The following ATG10 variants were observed in gnomAD, a reference collection of about 807,000 sequenced individuals.
ATG10 encodes the protein autophagy related 10.
ATG10 carries 30 observed loss-of-function variants against 32.1 expected under a neutral mutation model. The ratio of observed to expected loss-of-function variants is 0.94; its 90% confidence interval spans 0.70 to 1.27. The LOEUF (loss-of-function observed/expected upper bound fraction) is 1.27. ATG10 is among the 50% of genes most tolerant of loss of function. The pLI, the probability that ATG10 is intolerant of heterozygous loss-of-function variation, is 0.00. For missense variants in ATG10, 233 were observed against 262.3 expected (o/e 0.89, Z 0.77); for synonymous variants, 87 against 91.5 (o/e 0.95, Z 0.28).
At chr5:82,219,150 T>C (rs1403269998) in intron 5 of ATG10, among the ~76,000 whole-genome samples, 1 of 152,216 alleles carries the variant, frequency 6.6e-6, no homozygotes, top group African/African-American at 2.4e-5. Flanking sequence ...AAAAAGTATT[T>C]TAAAGTTTTC....
chr5:82,004,895 G>T (rs1352358514), intron 2 of ATG10, among the ~76,000 whole-genome samples: 1 of 152,156 alleles, frequency 6.6e-6, no homozygotes, highest in Admixed American at 6.5e-5. Context: ...TTCTCAAAAT[G>T]GCACCAATTG....
At chr5:82,231,349 A>C (rs1746362494) in intron 5 of ATG10, among the ~76,000 whole-genome samples, 1 of 152,226 alleles carries the variant, frequency 6.6e-6, no homozygotes, top group Admixed American at 6.5e-5. Context: ...AAGTTGCTTA[A>C]AGTTTTAATA....
At chr5:82,032,453 A>G (rs1278791691) in intron 2 of ATG10, among the ~76,000 whole-genome samples, 2 of 152,142 alleles carry the variant, frequency 1.3e-5, no homozygotes, top group Non-Finnish European at 2.9e-5. Flanking sequence ...AAAAATTGCC[A>G]TGAATAGCCA....
intron 5 of ATG10, among the ~76,000 whole-genome samples, chr5:82,249,680 A>G (rs1260803331): frequency 6.6e-6 from 1 of 152,232 alleles, no homozygotes; most frequent in Admixed American, 6.5e-5. Context: ...ACAGCTACCA[A>G]GTGGTAGAGC....
chr5:82,164,281 A>G lies in ATG10; in HGVS notation c.217-118A>G, dbSNP rs144677269. 21 of 1,036,106 alleles carry G rather than the reference A, an allele frequency of 2.0e-5. No homozygotes were observed. In the East Asian group the frequency reaches 5.1e-4, roughly 25 times the overall value. The allele number at this position is 1,036,106 out of a possible 1,614,324, so 64.2% of individuals were successfully genotyped here. ...TGGGAAACTCCCTTTTCCTTGCCTC[A>G]TAGCCTTATATTTATTTAACTGTTA... is the stretch of plus-strand genomic sequence containing the variant. On this transcript the variant is annotated intron_variant, in intron 3 of 7. Transcript: ENST00000282185.
chr5:82,079,062 C>G (rs1764377772), intron 3 of ATG10, among the ~76,000 whole-genome samples: 1 of 152,182 alleles, frequency 6.6e-6, no homozygotes, highest in East Asian at 1.9e-4. Flanking sequence ...TTTGTCTAGT[C>G]TGAGTCTCCA....
chr5:82,138,125 C>T (rs189121078), intron 3 of ATG10, among the ~76,000 whole-genome samples: 12 of 152,294 alleles, frequency 7.9e-5, no homozygotes, highest in Admixed American at 3.9e-4. Context: ...GTGCTGGGAG[C>T]GAGAATTTCA....
chr5:82,077,141 GC>G (rs1764302169), intron 3 of ATG10, among the ~76,000 whole-genome samples: 1 of 152,098 alleles, frequency 6.6e-6, no homozygotes, highest in East Asian at 1.9e-4. Flanking sequence ...GGGCAACATG[GC>G]AAAACCCCAT....
chr5:81,996,689 A>G (rs1170586861), intron 2 of ATG10, among the ~76,000 whole-genome samples: 1 of 152,260 alleles, frequency 6.6e-6, no homozygotes, highest in East Asian at 1.9e-4. Flanking sequence ...TTTGCAACTG[A>G]AAGTAAAATT....
intron 3 of ATG10, among the ~76,000 whole-genome samples, chr5:82,106,666 C>T (rs915552161): frequency 6.6e-6 from 1 of 152,074 alleles, no homozygotes; most frequent in South Asian, 2.1e-4. Flanking sequence ...GTTAATCTTA[C>T]TATGGTATCA....
intron 3 of ATG10, among the ~76,000 whole-genome samples, chr5:82,139,461 C>A (rs1463038441): frequency 7.6e-6 from 1 of 131,174 alleles, no homozygotes; most frequent in African/African-American, 2.9e-5. Flanking sequence ...GGCCGCCCAT[C>A]GTCTGAGATG....
intron 2 of ATG10, among the ~76,000 whole-genome samples, chr5:82,014,716 T>G (rs1404955569): frequency 6.6e-6 from 1 of 152,234 alleles, no homozygotes; most frequent in African/African-American, 2.4e-5. Context: ...TTTGAGCCTA[T>G]GTGTGTCTCT....
intron 5 of ATG10, among the ~76,000 whole-genome samples, chr5:82,187,893 C>T (rs528882654): frequency 7.2e-5 from 11 of 152,250 alleles, no homozygotes; most frequent in South Asian, 4.1e-4. Context: ...TGGCCAATGA[C>T]TTATTTTTCT....
At chr5:82,202,228 C>T (rs1044652693) in intron 5 of ATG10, among the ~76,000 whole-genome samples, 2 of 152,126 alleles carry the variant, frequency 1.3e-5, no homozygotes, top group Non-Finnish European at 2.9e-5. Context: ...GTTGTTCAAA[C>T]ATTATTCTAG....
chr5:82,022,858 C>A (rs2149707804), intron 2 of ATG10, among the ~76,000 whole-genome samples: 1 of 151,880 alleles, frequency 6.6e-6, no homozygotes, highest in Admixed American at 6.6e-5. Flanking sequence ...GTGTGTCTGC[C>A]TCCAAAGATT....
chr5:82,036,857 G>A (rs1328390229), intron 2 of ATG10, among the ~76,000 whole-genome samples: 2 of 151,866 alleles, frequency 1.3e-5, no homozygotes, highest in African/African-American at 4.8e-5. Context: ...TGAAGGCCAG[G>A]TGTGGTGGCT....
intron 3 of ATG10, among the ~76,000 whole-genome samples, chr5:82,085,735 T>G (rs79976305): frequency 0.03 from 4,587 of 152,234 alleles, 101 homozygotes; most frequent in Middle Eastern, 0.051. Flanking sequence ...TTCTATTAAG[T>G]TAGTAAAAAA....
chr5:81,999,405 C>T (rs557777601), intron 2 of ATG10, among the ~76,000 whole-genome samples: 28 of 152,130 alleles, frequency 1.8e-4, no homozygotes, highest in Non-Finnish European at 3.8e-4. Flanking sequence ...AAGTTTACAG[C>T]CCTAAATGCC....
At chr5:82,075,259 A>G (rs1203848853) in intron 3 of ATG10, among the ~76,000 whole-genome samples, 4 of 152,172 alleles carry the variant, frequency 2.6e-5, no homozygotes, top group Admixed American at 2.0e-4. Context: ...GGAAAATACC[A>G]TAAGGGCAAG....
Sources: gnomAD v4.1 joint callset for allele counts (sites outside exome capture counted in the v4.1 genomes callset) on GRCh38, gnomAD v4.1.1 for gene constraint, MANE v1.5 for transcripts, NCBI Gene and HGNC (gene_info 2026-07-23, HGNC 2026-07-21) for gene names.